LIN7A: variants seen among roughly 807,000 people sequenced by gnomAD.
LIN7A encodes protein lin-7 homolog A.
LIN7A carries 25 observed loss-of-function variants against 29.8 expected under a neutral mutation model. The ratio of observed to expected loss-of-function variants is 0.84; its 90% CI spans 0.61 to 1.17. LIN7A has a LOEUF of 1.17. Among genes scored for constraint, LIN7A ranks in the 50% most tolerant of loss-of-function variants. The pLI is 0.00. For synonymous variants in LIN7A, 118 were observed against 107.5 expected (o/e 1.10, Z -0.60); for missense variants, 239 against 287.0 (o/e 0.83, Z 1.21).
At chr12:80,809,706 T>C (rs1006591166) in intron 5 of LIN7A, among the ~76,000 whole-genome samples, 6 of 152,210 alleles carry the variant, frequency 3.9e-5, no homozygotes, top group Non-Finnish European at 8.8e-5. Context: ...GCATAGGGCA[T>C]AGTAGGAACT....
At position 80,797,726 on chromosome 12, in the gene LIN7A, C is replaced by T. The variant is rs1264404701; in HGVS notation, c.*1G>A. The T allele has an allele frequency of 6.6e-6, 1 of 152,542 alleles. No individual in the cohort carries two copies. The highest frequency in any genetic ancestry group is 1.5e-5 in the Non-Finnish European group (1 of 68,020). The allele number at this position is 152,542 out of a possible 1,614,324, so 9.4% of individuals were successfully genotyped here. On this transcript the variant is annotated splice_region_variant and 3_prime_UTR_variant, in exon 6 of 6. Transcript: ENST00000552864. ...TGATCAAGTAGCTTTCCCTCAAGGG[C>T]CTGAAAGAGAAAAAGAGTGAAGAGA...
At chr12:80,832,487 A>G (rs1020821298) in intron 4 of LIN7A, 9 of 467,564 alleles carry the variant, frequency 1.9e-5, no homozygotes, top group African/African-American at 1.2e-4. Flanking sequence ...TCCACACAGA[A>G]CATTCAATTG....
At chr12:80,902,198 C>T (rs1438893298) in intron 1 of LIN7A, among the ~76,000 whole-genome samples, 5 of 143,866 alleles carry the variant, frequency 3.5e-5, no homozygotes, top group Middle Eastern at 3.5e-3. Context: ...GTTTTCTATT[C>T]TGTTCCATTG....
At chr12:80,815,220 C>A (rs978773890) in intron 4 of LIN7A, among the ~76,000 whole-genome samples, 5 of 151,958 alleles carry the variant, frequency 3.3e-5, no homozygotes, top group Non-Finnish European at 7.4e-5. Context: ...GCTTTTAGTC[C>A]ATCAGTATAA....
chr12:80,879,672 A>AAAG (rs1874920708), intron 2 of LIN7A, among the ~76,000 whole-genome samples: 4 of 148,430 alleles, frequency 2.7e-5, no homozygotes, highest in Non-Finnish European at 3.0e-5. Context: ...AAAAAAAAAA[A>AAAG]GGAAGAAGTT....
chr12:80,805,543 C>T (rs529764908), intron 5 of LIN7A, among the ~76,000 whole-genome samples: 2 of 152,148 alleles, frequency 1.3e-5, no homozygotes, highest in South Asian at 2.1e-4. Context: ...GTCAGGGACA[C>T]GATTTTGGTC....
intron 2 of LIN7A, among the ~76,000 whole-genome samples, chr12:80,883,507 T>C (rs1250803922): frequency 6.6e-6 from 1 of 152,200 alleles, no homozygotes; most frequent in Non-Finnish European, 1.5e-5. Context: ...GTGTGTTTTC[T>C]TCGATTCAGC....
chr12:80,874,264 T>A (rs1168444195), intron 2 of LIN7A, among the ~76,000 whole-genome samples: 1 of 152,232 alleles, frequency 6.6e-6, no homozygotes, highest in Non-Finnish European at 1.5e-5. Flanking sequence ...AAATGGTTTT[T>A]CTGTCTTTAG....
At chr12:80,841,356 GAA>G (rs1872802472) in intron 4 of LIN7A, among the ~76,000 whole-genome samples, 1 of 75,516 alleles carries the variant, frequency 1.3e-5, no homozygotes, top group East Asian at 2.7e-4. Context: ...AGGAAGGAAG[GAA>G]GGAAGGAAGG....
intron 2 of LIN7A, among the ~76,000 whole-genome samples, chr12:80,881,656 C>CAT (rs1565913877): frequency 9.2e-5 from 14 of 151,760 alleles, no homozygotes; most frequent in African/African-American, 2.4e-4. Flanking sequence ...TGTACACACA[C>CAT]ATATATATAT....
intron 1 of LIN7A, among the ~76,000 whole-genome samples, chr12:80,900,462 A>G (rs138717394): frequency 8.0e-4 from 122 of 152,284 alleles, no homozygotes; most frequent in African/African-American, 2.9e-3. Flanking sequence ...GGTATGTTAT[A>G]TCCTTGTTCT....
intron 2 of LIN7A, among the ~76,000 whole-genome samples, chr12:80,880,446 T>C (rs1389887023): frequency 1.3e-5 from 2 of 152,216 alleles, no homozygotes; most frequent in Non-Finnish European, 2.9e-5. Context: ...GTAAAAATAA[T>C]ACATTTTGCT....
At chr12:80,937,341 A>T (rs1200537738) in intron 1 of LIN7A, 2 of 328,430 alleles carry the variant, frequency 6.1e-6, no homozygotes, top group Admixed American at 4.9e-5. Context: ...AGCGGCTCCA[A>T]CAAAGCCAGA....
At chr12:80,889,174 T>A (rs17731827) in intron 2 of LIN7A, 77 bp downstream of exon 2, 35,354 of 805,368 alleles carry the variant, frequency 0.044, 959 homozygotes, top group Non-Finnish European at 0.057. Context: ...CAATTTCAAC[T>A]GTTTGTGTAG....
At chr12:80,918,436 G>A (rs1193996522) in intron 1 of LIN7A, among the ~76,000 whole-genome samples, 1 of 151,930 alleles carries the variant, frequency 6.6e-6, no homozygotes, top group Non-Finnish European at 1.5e-5. Flanking sequence ...TTGGCTTATG[G>A]GCATAATGCA....
intron 1 of LIN7A, among the ~76,000 whole-genome samples, chr12:80,891,517 G>A (rs1160359108): frequency 6.6e-6 from 1 of 152,152 alleles, no homozygotes; most frequent in Admixed American, 6.5e-5. Flanking sequence ...TTCCTGAAAT[G>A]CAATTCATTC....
chr12:80,844,319 T>G (rs149080289), intron 4 of LIN7A, among the ~76,000 whole-genome samples: 15 of 152,312 alleles, frequency 9.8e-5, no homozygotes, highest in African/African-American at 3.4e-4. Flanking sequence ...ATAGAAAATA[T>G]TCATGGGTTG....
At chr12:80,898,137 T>G (rs921609829) in intron 1 of LIN7A, among the ~76,000 whole-genome samples, 4 of 152,178 alleles carry the variant, frequency 2.6e-5, no homozygotes, top group Non-Finnish European at 4.4e-5. Flanking sequence ...CCATCTTGAG[T>G]TGATTTTTGT....
chr12:80,926,038 G>T (rs954563688), intron 1 of LIN7A, among the ~76,000 whole-genome samples: 1 of 152,066 alleles, frequency 6.6e-6, no homozygotes, highest in Non-Finnish European at 1.5e-5. Context: ...CTTCCAGATC[G>T]TTGCATGGTT....
Sources: allele counts gnomAD v4.1 joint callset (sites outside exome capture counted in the v4.1 genomes callset), GRCh38; gene constraint gnomAD v4.1.1; transcripts MANE v1.5; gene names NCBI Gene and HGNC (gene_info 2026-07-23, HGNC 2026-07-21).